Variants in PCDHA13 observed in about 807,000 individuals in gnomAD.
PCDHA13 encodes protocadherin alpha 13, also known as protocadherin alpha-13.
In PCDHA13, 54 loss-of-function variants were observed where a neutral mutation model predicts 64.8. That is an observed-to-expected ratio of 0.83 (90% CI 0.67 to 1.04). The LOEUF (loss-of-function observed/expected upper bound fraction) is 1.04, where lower values mean the gene tolerates loss of function less well. PCDHA13 is among the 50% of genes least tolerant of loss of function. The probability of loss-of-function intolerance (pLI) is 0.00; values close to 1 mark genes in which losing one functional copy is unlikely to be tolerated. For missense variants in PCDHA13, 1,248 were observed against 1,254.3 expected (o/e 0.99, Z 0.08); for synonymous variants, 587 against 564.4 (o/e 1.04, Z -0.57).
Position 140,982,458 on chromosome 5 carries a change from T to C in PCDHA13, c.2454-17T>C, listed in dbSNP as rs1554244201. 1 of 1,613,996 alleles carries C rather than the reference T, an allele frequency of 6.2e-7. No homozygotes were observed. Among genetic ancestry groups the C allele is most frequent in the Non-Finnish European group, 8.5e-7 (1 of 1,179,964 alleles). ...ATTTATGATCTAACCGTTATCTGGG[T>C]CTGTGTGTTTATTCAGCTCTGTGCA... On this transcript the variant is annotated splice_polypyrimidine_tract_variant and intron_variant, in intron 2 of 3. Transcript: ENST00000289272.
intron 1 of PCDHA13, among the ~76,000 whole-genome samples, chr5:140,896,091 G>A (rs1353012571): frequency 2.0e-5 from 3 of 152,104 alleles, no homozygotes; most frequent in African/African-American, 2.4e-5. Flanking sequence ...GATTACAGGC[G>A]TGAGCCACTG....
chr5:141,008,362 G>A (rs2098372939), intron 3 of PCDHA13, among the ~76,000 whole-genome samples: 1 of 152,172 alleles, frequency 6.6e-6, no homozygotes, highest in Non-Finnish European at 1.5e-5. Flanking sequence ...AACCAAAGGA[G>A]CAGTGTTAGA....
intron 1 of PCDHA13, among the ~76,000 whole-genome samples, chr5:140,942,637 A>C (rs1175766630): frequency 6.6e-6 from 1 of 152,178 alleles, no homozygotes; most frequent in African/African-American, 2.4e-5. Context: ...AAAATGGCAA[A>C]AGAGATCTCA....
intron 3 of PCDHA13, among the ~76,000 whole-genome samples, chr5:141,000,842 G>A (rs2097967739): frequency 1.3e-5 from 2 of 151,954 alleles, no homozygotes; most frequent in Non-Finnish European, 2.9e-5. Flanking sequence ...AGGAGATCCA[G>A]TCTGGCAGTC....
chr5:140,982,882 C>A (rs1554244920), intron 3 of PCDHA13, among the ~76,000 whole-genome samples: 1 of 151,972 alleles, frequency 6.6e-6, no homozygotes, highest in African/African-American at 2.4e-5. Flanking sequence ...CCAAGCCATG[C>A]AGAGAAGATC....
chr5:140,969,037 C>T (rs1554231375), intron 1 of PCDHA13: 1 of 1,614,158 alleles, frequency 6.2e-7, no homozygotes, highest in South Asian at 1.1e-5. Flanking sequence ...CAGAACTGTA[C>T]AAACAAGCCA....
rs2098420299 is a variant in PCDHA13 at position 141,011,351 on chromosome 5, A to G, written c.*1414A>G. The G allele has an allele frequency of 1.3e-5, 2 of 153,694 alleles. No homozygotes were observed. Among genetic ancestry groups the G allele is most frequent in the African/African-American group, 2.4e-5 (1 of 41,410 alleles). 9.5% of individuals were successfully genotyped at this position (153,694 alleles called of 1,614,324 possible). A position where few individuals can be genotyped will look rare whatever the true frequency, so the allele number is the denominator to read the frequency against. On this transcript the variant is annotated 3_prime_UTR_variant, in exon 4 of 4. Transcript: ENST00000289272. ...TGATGTTACCTGAAATCAATCTCCC[A>G]TATGTATGCTGTATGCTATGCTAAG...
chr5:140,907,344 C>T (rs548533041), intron 1 of PCDHA13, among the ~76,000 whole-genome samples: 111 of 152,276 alleles, frequency 7.3e-4, no homozygotes, highest in Non-Finnish European at 1.2e-3. Flanking sequence ...TGCATGAGCC[C>T]GCTGCTGCAC....
intron 1 of PCDHA13, among the ~76,000 whole-genome samples, chr5:140,965,508 T>C (rs1278735339): frequency 6.6e-6 from 1 of 152,124 alleles, no homozygotes; most frequent in Non-Finnish European, 1.5e-5. Context: ...TTTTTTTTTT[T>C]TTTAACTGCA....
At chr5:140,960,267 C>T (rs1182915204) in intron 1 of PCDHA13, among the ~76,000 whole-genome samples, 3 of 152,266 alleles carry the variant, frequency 2.0e-5, no homozygotes, top group South Asian at 2.1e-4. Flanking sequence ...CTGATAAATT[C>T]CGTCACCTTT....
chr5:140,976,841 A>G lies in PCDHA13; in HGVS notation c.2395-2108A>G, dbSNP rs145977857. Among the ~76,000 whole-genome samples the G allele has an allele frequency of 1.2e-3, 190 of 152,338 alleles. 1 individual carries two copies. Among genetic ancestry groups the G allele is most frequent in the African/African-American group, 4.3e-3 (178 of 41,578 alleles). ...GTGTCTAATGAGCAAAACAGATATA[A>G]TCCCTTTCATAGAGTTTACTGTCTG... On this transcript the variant is annotated intron_variant, in intron 1 of 3. Coordinates refer to ENST00000289272, the MANE Select transcript of PCDHA13 (RefSeq NM_018904.3).
chr5:141,006,157 A>G (rs2098258108), intron 3 of PCDHA13, among the ~76,000 whole-genome samples: 1 of 150,182 alleles, frequency 6.7e-6, no homozygotes, highest in Non-Finnish European at 1.5e-5. Context: ...GGAGTGATAT[A>G]ATCTGATTTA....
intron 1 of PCDHA13, among the ~76,000 whole-genome samples, chr5:140,977,305 AC>A (rs1424604910): frequency 6.6e-6 from 1 of 152,258 alleles, no homozygotes; most frequent in African/African-American, 2.4e-5. Flanking sequence ...TGACAAGCTA[AC>A]GATAGTGCTC....
chr5:140,985,841 G>A (rs2097174040), intron 3 of PCDHA13, among the ~76,000 whole-genome samples: 1 of 145,238 alleles, frequency 6.9e-6, no homozygotes, highest in Admixed American at 7.3e-5. Context: ...CCGGGTTCAT[G>A]CCACTCTCCT....
At chr5:140,985,487 A>C (rs1554247112) in intron 3 of PCDHA13, among the ~76,000 whole-genome samples, 1 of 152,162 alleles carries the variant, frequency 6.6e-6, no homozygotes, top group Non-Finnish European at 1.5e-5. Context: ...TCCAGACTCA[A>C]ATAGAGCCTG....
chr5:140,980,465 A>G (rs1170047538), intron 2 of PCDHA13, among the ~76,000 whole-genome samples: 4 of 152,184 alleles, frequency 2.6e-5, no homozygotes, highest in African/African-American at 9.7e-5. Flanking sequence ...CCCTGTCTCT[A>G]CTAAAAATAC....
chr5:140,926,976 GGA>G (rs1184794302), intron 1 of PCDHA13: 3 of 1,610,286 alleles, frequency 1.9e-6, no homozygotes, highest in Non-Finnish European at 2.5e-6. Context: ...CAGTGCCGGA[GGA>G]GACGGAGCGG....
chr5:140,883,172 AT>A lies in PCDHA13; in HGVS notation c.906del (p.Arg303GlyfsTer6). The stretch of plus-strand genomic sequence containing the variant: ...TACCATAAATCCGAACAATGGAGAA[AT>A]TAGGACAAAAGGCAAACTAGATTTC... ...AFTINPNNGEIRTKGKLDFEE... is the reference protein window; with the variant it reads ...AFTINPNNGEXRTKGKLDFEE... On this transcript the variant is annotated frameshift_variant, in exon 1 of 4. Transcript: ENST00000289272. LOFTEE classifies it high-confidence loss of function. The A allele has an allele frequency of 1.2e-6, 2 of 1,614,038 alleles. No homozygotes were observed. Among genetic ancestry groups the A allele is most frequent in the Non-Finnish European group, 1.7e-6 (2 of 1,180,044 alleles).
At position 140,982,527 on chromosome 5, in the gene PCDHA13, G is replaced by A. The variant is rs2096986081; in HGVS notation, c.2506G>A (p.Asp836Asn). ...TCTACGGGCTGGTCCAGGAGGGCCT[G>A]ATCAGCAGTGGCCAACAGTATCCAG... is the stretch of plus-strand genomic sequence containing the variant. ...GILRAGPGGP[D>N]QQWPTVSSAT... is the part of the protein sequence containing the mutation. Residue 836 changes from aspartate to asparagine, a missense_variant, in exon 3 of 4, where the codon GAT becomes AAT. By Grantham distance (23) the Asp-to-Asn change is conservative. Coordinates refer to ENST00000289272, the MANE Select transcript of PCDHA13 (RefSeq NM_018904.3). 1 of 1,614,218 alleles carries A rather than the reference G, an allele frequency of 6.2e-7. No individual in the cohort carries two copies. Among genetic ancestry groups the A allele is most frequent in the Admixed American group, 1.7e-5 (1 of 60,034 alleles).
Sources: allele counts gnomAD v4.1 joint callset (sites outside exome capture counted in the v4.1 genomes callset), GRCh38; gene constraint gnomAD v4.1.1; transcripts MANE v1.5; gene names NCBI Gene and HGNC (gene_info 2026-07-23, HGNC 2026-07-21).